CRPPA: variants seen among roughly 807,000 people sequenced by gnomAD.
The protein encoded by CRPPA is CDP-L-ribitol pyrophosphorylase A, also known as D-ribitol-5-phosphate cytidylyltransferase.
In CRPPA, 43 loss-of-function variants were observed where a neutral mutation model predicts 52.0. That is an observed-to-expected ratio of 0.83 (90% confidence interval 0.65 to 1.07). The LOEUF (loss-of-function observed/expected upper bound fraction) is 1.07, where lower values mean the gene tolerates loss of function less well. Ranked by LOEUF, CRPPA falls within the 50% of genes least tolerant of loss-of-function variation. The probability of loss-of-function intolerance (pLI) is 0.00; values close to 1 mark genes in which losing one functional copy is unlikely to be tolerated. For synonymous variants in CRPPA, 250 were observed against 203.5 expected, an observed-to-expected ratio of 1.23 and a Z score of -1.94; for missense variants, 629 against 551.7, an observed-to-expected ratio of 1.14 and a Z score of -1.40.
At chr7:16,309,158 G>A (rs1481807784) in intron 3 of CRPPA, among the ~76,000 whole-genome samples, 12 of 151,874 alleles carry the variant, frequency 7.9e-5, no homozygotes, top group East Asian at 5.8e-4. Flanking sequence ...TTCATTGTGC[G>A]AAAAACTGTA....
intron 9 of CRPPA, among the ~76,000 whole-genome samples, chr7:16,109,632 T>A (rs150688363): frequency 2.4e-4 from 37 of 151,984 alleles, no homozygotes; most frequent in African/African-American, 8.9e-4. Flanking sequence ...TAATCTACTA[T>A]GACAGATGCA....
At chr7:16,386,917 G>A (rs1250715543) in intron 2 of CRPPA, among the ~76,000 whole-genome samples, 3 of 151,732 alleles carry the variant, frequency 2.0e-5, no homozygotes, top group African/African-American at 4.8e-5. Flanking sequence ...CTACTTGGAA[G>A]GGTGAGGCAG....
intron 3 of CRPPA, among the ~76,000 whole-genome samples, chr7:16,335,613 A>G (rs541698761): frequency 6.6e-6 from 1 of 152,316 alleles, no homozygotes; most frequent in South Asian, 2.1e-4. Flanking sequence ...AGAAAAGAAT[A>G]AAGAAGGCCT....
chr7:16,361,833 T>G (rs886934931), intron 3 of CRPPA, among the ~76,000 whole-genome samples: 1 of 151,226 alleles, frequency 6.6e-6, no homozygotes, highest in African/African-American at 2.4e-5. Flanking sequence ...TTTAGTTATA[T>G]ATTTCATCAC....
At chr7:16,316,441 T>G (rs552805807) in intron 3 of CRPPA, among the ~76,000 whole-genome samples, 3 of 152,320 alleles carry the variant, frequency 2.0e-5, no homozygotes, top group East Asian at 3.9e-4. Flanking sequence ...TAAAACATGT[T>G]ATATTCCTGA....
chr7:16,217,674 T>A (rs1782369003), intron 8 of CRPPA, among the ~76,000 whole-genome samples: 1 of 143,168 alleles, frequency 7.0e-6, no homozygotes, highest in Non-Finnish European at 1.5e-5. Context: ...TGCGATCAAC[T>A]GGAAGAAAGG....
intron 9 of CRPPA, among the ~76,000 whole-genome samples, chr7:16,178,273 A>C (rs1781345296): frequency 6.6e-6 from 1 of 152,116 alleles, no homozygotes; most frequent in Non-Finnish European, 1.5e-5. Context: ...AAATGACCAT[A>C]CAGCAATTAC....
intron 6 of CRPPA, among the ~76,000 whole-genome samples, chr7:16,270,995 G>A (rs1784077741): frequency 1.3e-5 from 2 of 151,804 alleles, no homozygotes; most frequent in Admixed American, 1.3e-4. Context: ...CAACCTTGAG[G>A]GCATAAGGGA....
chr7:16,393,527 C>A (rs1211462688), intron 2 of CRPPA, among the ~76,000 whole-genome samples: 1 of 152,052 alleles, frequency 6.6e-6, no homozygotes, highest in Non-Finnish European at 1.5e-5. Context: ...AAAGACTTAC[C>A]TTTGTAGCAA....
chr7:16,212,739 G>A, intron 9 of CRPPA, among the ~76,000 whole-genome samples: 1 of 152,110 alleles, frequency 6.6e-6, no homozygotes, highest in East Asian at 1.9e-4. Context: ...GCTTTAATGT[G>A]GAAGTTCTGA....
chr7:16,372,781 T>C (rs1786780722), intron 3 of CRPPA, among the ~76,000 whole-genome samples: 1 of 152,192 alleles, frequency 6.6e-6, no homozygotes, highest in African/African-American at 2.4e-5. Flanking sequence ...ATCTGCTGTC[T>C]TCAGGAGACT....
intron 3 of CRPPA, among the ~76,000 whole-genome samples, chr7:16,330,096 A>G (rs1209555394): frequency 6.6e-6 from 1 of 152,230 alleles, no homozygotes; most frequent in Non-Finnish European, 1.5e-5. Context: ...AATGAAATGT[A>G]TTCATTCATT....
intron 3 of CRPPA, among the ~76,000 whole-genome samples, chr7:16,349,468 G>A (rs2128307538): frequency 6.6e-6 from 1 of 152,300 alleles, no homozygotes; most frequent in Non-Finnish European, 1.5e-5. Context: ...CCTGAGTGAA[G>A]TGAAGATATG....
intron 3 of CRPPA, among the ~76,000 whole-genome samples, chr7:16,313,445 C>A (rs1785078653): frequency 6.6e-6 from 1 of 151,750 alleles, no homozygotes. Flanking sequence ...TTTGTATATT[C>A]TTTCTTAGCC....
chr7:16,368,420 A>C (rs1004105793), intron 3 of CRPPA, among the ~76,000 whole-genome samples: 4 of 152,246 alleles, frequency 2.6e-5, no homozygotes, highest in African/African-American at 9.6e-5. Context: ...TTACATGGAA[A>C]AGCCCAAGAT....
intron 8 of CRPPA, among the ~76,000 whole-genome samples, chr7:16,240,026 T>C (rs202193196): frequency 6.6e-6 from 1 of 151,994 alleles, no homozygotes; most frequent in East Asian, 1.9e-4. Context: ...ATCAGTTACA[T>C]GTCCATCACA....
intron 3 of CRPPA, among the ~76,000 whole-genome samples, chr7:16,341,074 G>A (rs1323880682): frequency 1.3e-5 from 2 of 152,024 alleles, no homozygotes; most frequent in Admixed American, 6.6e-5. Flanking sequence ...AAATCATCAG[G>A]GGTTGTTAGA....
chr7:16,121,183 C>T (rs1782473411), intron 9 of CRPPA, among the ~76,000 whole-genome samples: 1 of 152,008 alleles, frequency 6.6e-6, no homozygotes, highest in South Asian at 2.1e-4. Context: ...TTCATAGCTA[C>T]ATTAGAAATA....
intron 9 of CRPPA, among the ~76,000 whole-genome samples, chr7:16,126,605 A>G (rs1465926097): frequency 6.6e-6 from 1 of 152,210 alleles, no homozygotes; most frequent in Non-Finnish European, 1.5e-5. Flanking sequence ...TTTCATGTCT[A>G]AAATATCTAG....
Sources: gnomAD v4.1 joint callset for allele counts (sites outside exome capture counted in the v4.1 genomes callset) on GRCh38, gnomAD v4.1.1 for gene constraint, MANE v1.5 for transcripts, NCBI Gene and HGNC (gene_info 2026-07-23, HGNC 2026-07-21) for gene names.